The following MNX1 variants were observed in gnomAD, a reference collection of about 807,000 sequenced individuals.
The protein encoded by MNX1 is motor neuron and pancreas homeobox 1, also known as motor neuron and pancreas homeobox protein 1.
A neutral mutation model predicts 17.3 loss-of-function variants in MNX1; 2 were observed. The observed-to-expected ratio is 0.12, with a 90% CI of 0.05 to 0.36. The LOEUF (loss-of-function observed/expected upper bound fraction) is 0.36. Ranked by LOEUF, MNX1 falls within the 10% of genes least tolerant of loss-of-function variation. The pLI, the probability that MNX1 is intolerant of heterozygous loss-of-function variation, is 1.00. For missense variants in MNX1, 556 were observed against 564.7 expected, an observed-to-expected ratio of 0.98 and a Z score of 0.16; for synonymous variants, 306 against 283.1, an observed-to-expected ratio of 1.08 and a Z score of -0.81.
Position 157,010,446 on chromosome 7 carries a change from TC to T in MNX1, c.-97del. ...GTGCGTGCGGTGCAAGCCCGGGGGC[TC>T]GGTATTGTTATGGTGGTTATTTGCC... On this transcript the variant is annotated 5_prime_UTR_variant, in exon 1 of 3. Coordinates refer to ENST00000252971, the MANE Select transcript of MNX1 (RefSeq NM_005515.4). 1 of 865,932 alleles carries T rather than the reference TC, an allele frequency of 1.2e-6. No individual in the cohort carries two copies. Among genetic ancestry groups the T allele is most frequent in the Non-Finnish European group, 1.7e-6 (1 of 591,046 alleles). 53.6% of individuals were successfully genotyped at this position (865,932 alleles called of 1,614,324 possible).
rs762054369 is a variant in MNX1 at position 157,009,772 on chromosome 7, G to A, written c.579C>T (p.His193=). The change falls in exon 1 of 3, where the codon CAC becomes CAT. Residue 193 remains histidine (H), a synonymous_variant. Transcript: ENST00000252971. ...SYSYPQVQGA[H]PAHPADPIKL... ...TGATGGGGTCGGCGGGGTGCGCGGG[G>A]TGCGCGCCTTGCACCTGCGGGTACG... 2 of 1,597,956 alleles carry A rather than the reference G, an allele frequency of 1.3e-6. No homozygotes were observed. The highest frequency in any genetic ancestry group is 1.7e-6 in the Non-Finnish European group (2 of 1,175,782).
Position 157,008,684 on chromosome 7 carries a change from C to T in MNX1, c.691+976G>A, listed in dbSNP as rs1385095721. 2.5e-5 allele frequency: 11 copies of T among 433,376 alleles called. No homozygotes were observed. The Admixed American group carries it at 4.2e-4, about 17-fold the overall frequency. The allele number at this position is 433,376 out of a possible 1,614,324, so 26.8% of individuals were successfully genotyped here. The stretch of plus-strand genomic sequence containing the variant: ...CTGCATCTCCCCAGTCTAAACAAAT[C>T]CACTCAGACAGAAACAATGGGGTCT... On this transcript the variant is annotated intron_variant, in intron 1 of 2. Transcript: ENST00000252971.
intron 1 of MNX1, chr7:157,008,897 G>A (rs1233998882): frequency 3.5e-5 from 45 of 1,268,644 alleles, no homozygotes; most frequent in Non-Finnish European, 4.6e-5. Context: ...CTCTGGCGAG[G>A]TGTCCCGCCC....
intron 1 of MNX1, chr7:157,008,969 C>A: frequency 6.5e-7 from 1 of 1,532,840 alleles, no homozygotes; most frequent in Non-Finnish European, 8.7e-7. Flanking sequence ...GGGGCTCCCT[C>A]GGCCCCACCT....
At position 157,010,195 on chromosome 7, in the gene MNX1, G is replaced by C; in HGVS notation, c.156C>G (p.Gly52=). ...GGGGGGGGAS[G]GTSGSCSPAS... ...CGGGGCTGCAGCTGCCGCTAGTCCC[G>C]CCGCTCGCCCCGCCGCCGCCGCCGC... Residue 52 remains glycine (G), a synonymous_variant, in exon 1 of 3, where the codon GGC becomes GGG. Coordinates refer to ENST00000252971, the MANE Select transcript of MNX1 (RefSeq NM_005515.4). 2 of 1,215,762 alleles carry C rather than the reference G, an allele frequency of 1.6e-6. No individual in the cohort carries two copies. Among genetic ancestry groups the C allele is most frequent in the Non-Finnish European group, 2.1e-6 (2 of 971,950 alleles). The allele number at this position is 1,215,762 out of a possible 1,614,324, so 75.3% of individuals were successfully genotyped here. A position where few individuals can be genotyped will look rare whatever the true frequency, so the allele number is the denominator to read the frequency against.
Position 157,006,318 on chromosome 7 carries a change from C to T in MNX1, c.852+161G>A. 2.7e-6 allele frequency: 2 copies of T among 735,222 alleles called. No homozygotes were observed. The highest frequency in any genetic ancestry group is 1.9e-5 in the South Asian group (1 of 53,452). The allele number at this position is 735,222 out of a possible 1,614,324, so 45.5% of individuals were successfully genotyped here. ...GATTCTTGGGCCCCACCCGAAGCTACTGAATCGGCGCTCTGGGCACCTTAG... is the reference window on the plus strand; with the variant it reads ...GATTCTTGGGCCCCACCCGAAGCTATTGAATCGGCGCTCTGGGCACCTTAG... On this transcript the variant is annotated intron_variant, in intron 2 of 2. Transcript: ENST00000252971. The surrounding 1 kb of genome is among the most constrained non-coding windows in gnomAD (Gnocchi z 6.3).
chr7:157,008,123 A>T (rs930132491), intron 1 of MNX1: 2 of 152,250 alleles, frequency 1.3e-5, no homozygotes, highest in Non-Finnish European at 2.9e-5. Context: ...TGGAATCAGA[A>T]ATAGGCAAGG....
chr7:157,008,704 G>A, intron 1 of MNX1: 1 of 471,560 alleles, frequency 2.1e-6, no homozygotes. Flanking sequence ...AGAAACAATG[G>A]GGTCTCTTTG....
At position 157,009,910 on chromosome 7, in the gene MNX1, C is replaced by A; in HGVS notation, c.441G>T (p.Gln147His). 2 of 1,307,378 alleles carry A rather than the reference C, an allele frequency of 1.5e-6. No homozygotes were observed. Among genetic ancestry groups the A allele is most frequent in the South Asian group, 3.9e-5 (2 of 51,906 alleles). The allele number at this position is 1,307,378 out of a possible 1,614,324, so 81.0% of individuals were successfully genotyped here. A position where few individuals can be genotyped will look rare whatever the true frequency, so the allele number is the denominator to read the frequency against. ...LALGLHPGGAQGGAGLPAQAA... is the reference protein window; with the variant it reads ...LALGLHPGGAHGGAGLPAQAA... ...CCTGCGCCGGGAGGCCCGCGCCGCCCTGCGCGCCCCCAGGGTGCAGCCCCA... is the reference window on the plus strand; with the variant it reads ...CCTGCGCCGGGAGGCCCGCGCCGCCATGCGCGCCCCCAGGGTGCAGCCCCA... The change falls in exon 1 of 3, where the codon CAG becomes CAT. Residue 147 changes from glutamine (Q) to histidine (H), a missense_variant. Gln to His is a conservative substitution (Grantham distance 24). Around this residue, in one of 7 missense-constraint regions of MNX1, gnomAD observed 210 missense variants for 211.3 expected, o/e 0.99. Transcript: ENST00000252971.
chr7:157,009,640 G>T lies in MNX1; in HGVS notation c.691+20C>A, dbSNP rs774038065. 2 of 1,606,348 alleles carry T rather than the reference G, an allele frequency of 1.2e-6. No individual in the cohort carries two copies. The highest frequency in any genetic ancestry group is 1.7e-6 in the Non-Finnish European group (2 of 1,177,766). ...AGGCCCTCCCGCCACGCGCATCCACGGGGGCCGCAGGGTACTCACAGTTGA... is the reference window on the plus strand; with the variant it reads ...AGGCCCTCCCGCCACGCGCATCCACTGGGGCCGCAGGGTACTCACAGTTGA... On this transcript the variant is annotated intron_variant, in intron 1 of 2. Transcript: ENST00000252971.
chr7:157,008,946 G>A, intron 1 of MNX1: 1 of 1,522,136 alleles, frequency 6.6e-7, no homozygotes, highest in Non-Finnish European at 8.8e-7. Flanking sequence ...GCGGCTCTGG[G>A]GTGGGGAGAA....
chr7:157,009,850 G>T lies in MNX1; in HGVS notation c.501C>A (p.Ser167=), dbSNP rs1195749439. ...ALYGHPVYGY[S]AAAAAAALAG... ...CCAGCGCAGCCGCCGCCGCCGCCGC[G>T]GAGTAGCCGTAGACCGGGTGGCCGT... Residue 167 remains serine (S), a synonymous_variant, in exon 1 of 3, where the codon TCC becomes TCA. Transcript: ENST00000252971. The T allele has an allele frequency of 6.6e-7, 1 of 1,509,308 alleles. No individual in the cohort carries two copies. The highest frequency in any genetic ancestry group is 8.8e-7 in the Non-Finnish European group (1 of 1,137,194). The allele number at this position is 1,509,308 out of a possible 1,614,324, so 93.5% of individuals were successfully genotyped here.
Position 157,006,417 on chromosome 7 carries a change from G to A in MNX1, c.852+62C>T, listed in dbSNP as rs1805599681. 1.3e-6 allele frequency: 2 copies of A among 1,559,318 alleles called. No homozygotes were observed. The highest frequency in any genetic ancestry group is 1.2e-5 in the South Asian group (1 of 85,512). ...GCCTCAGACCGCCCGTGGGTCACAA[G>A]TGCAAAGGTAACAGTGTCCCCTGGG... On this transcript the variant is annotated intron_variant, in intron 2 of 2. Transcript: ENST00000252971. This position sits in a 1 kb window ranked among gnomAD's most constrained non-coding sequence, Gnocchi z 6.3.
At position 157,006,623 on chromosome 7, in the gene MNX1, G is replaced by T. The variant is rs1272412116; in HGVS notation, c.708C>A (p.Asn236Lys). 6.3e-7 allele frequency: 1 copy of T among 1,597,254 alleles called. No individual in the cohort carries two copies. Among genetic ancestry groups the T allele is most frequent in the Non-Finnish European group, 8.5e-7 (1 of 1,173,598 alleles). Residue 236 changes from asparagine (N) to lysine (K), a missense_variant, in exon 2 of 3, where the codon AAC (asparagine) becomes AAA (lysine). Coordinates refer to ENST00000252971, the MANE Select transcript of MNX1 (RefSeq NM_005515.4). The surrounding 1 kb of genome is among the most constrained non-coding windows in gnomAD (Gnocchi z 6.3). The part of the protein sequence containing the change: ...MPDFNSQAQS[N>K]LLGKCRRPRT... ...GCGGCCGGCGGCACTTCCCCAGGAG[G>T]TTCGACTGCGCCTGGGCTGGGGACC...
rs1291973756 is a variant in MNX1 at position 157,010,630 on chromosome 7, C to G, written c.-280G>C. ...GCCCGGTTCTTTGCGCTGCAGCCCT[C>G]AGGCGACCGCGCGGAGGCCGCTGCC... is the stretch of plus-strand genomic sequence containing the variant. On this transcript the variant is annotated 5_prime_UTR_variant, in exon 1 of 3. Coordinates refer to ENST00000252971, the MANE Select transcript of MNX1 (RefSeq NM_005515.4). 1 of 246,406 alleles carries G rather than the reference C, an allele frequency of 4.1e-6. No individual in the cohort carries two copies. The highest frequency in any genetic ancestry group is 2.2e-5 in the African/African-American group (1 of 45,256). The allele number at this position is 246,406 out of a possible 1,614,324, so 15.3% of individuals were successfully genotyped here.
chr7:157,009,240 G>A (rs1477160257), intron 1 of MNX1: 6 of 1,432,612 alleles, frequency 4.2e-6, no homozygotes, highest in South Asian at 1.5e-5. Context: ...GGGGCCGCGG[G>A]TCTCTCTAAC....
chr7:157,009,862 G>C lies in MNX1; in HGVS notation c.489C>G (p.Val163=). The change falls in exon 1 of 3, where the codon GTC becomes GTG. Residue 163 remains valine (V), a synonymous_variant. Coordinates refer to ENST00000252971, the MANE Select transcript of MNX1 (RefSeq NM_005515.4). The part of the protein sequence containing the change: ...PAQAALYGHP[V]YGYSAAAAAA... ...CCGCCGCCGCCGCGGAGTAGCCGTAGACCGGGTGGCCGTAGAGCGCCGCCT... is the reference window on the plus strand; with the variant it reads ...CCGCCGCCGCCGCGGAGTAGCCGTACACCGGGTGGCCGTAGAGCGCCGCCT... The C allele has an allele frequency of 6.7e-7, 1 of 1,488,216 alleles. No individual in the cohort carries two copies. 92.2% of individuals were successfully genotyped at this position (1,488,216 alleles called of 1,614,324 possible). A position where few individuals can be genotyped will look rare whatever the true frequency, so the allele number is the denominator to read the frequency against.
chr7:157,010,437 C>T lies in MNX1; in HGVS notation c.-87G>A. On this transcript the variant is annotated 5_prime_UTR_variant, in exon 1 of 3. Coordinates refer to ENST00000252971, the MANE Select transcript of MNX1 (RefSeq NM_005515.4). Reference sequence around the variant, plus strand: ...GCGGAGTCAGTGCGTGCGGTGCAAGCCCGGGGGCTCGGTATTGTTATGGTG... The same window carrying T: ...GCGGAGTCAGTGCGTGCGGTGCAAGTCCGGGGGCTCGGTATTGTTATGGTG... 2 of 984,826 alleles carry T rather than the reference C, an allele frequency of 2.0e-6. No individual in the cohort carries two copies. Among genetic ancestry groups the T allele is most frequent in the South Asian group, 1.8e-5 (1 of 54,488 alleles). The allele number at this position is 984,826 out of a possible 1,614,324, so 61.0% of individuals were successfully genotyped here. A position where few individuals can be genotyped will look rare whatever the true frequency, so the allele number is the denominator to read the frequency against.
Position 157,005,753 on chromosome 7 carries a change from C to A in MNX1, c.973G>T (p.Ala325Ser), listed in dbSNP as rs749956776. ...GGGGGAGKGG[A>S]EEPGAEELLG... The stretch of plus-strand genomic sequence containing the variant: ...AGCTCCTCGGCTCCCGGCTCCTCCG[C>A]GCCGCCCTTCCCCGCGCCCCCGCCG... Residue 325 changes from alanine to serine, a missense_variant, in exon 3 of 3, where the codon GCG becomes TCG. Ala to Ser is a moderately conservative substitution (Grantham distance 99). Around this residue, in one of 7 missense-constraint regions of MNX1, gnomAD observed 178 missense variants for 155.2 expected, o/e 1.15. Transcript: ENST00000252971. The A allele has an allele frequency of 1.2e-6, 2 of 1,609,260 alleles. No individual in the cohort carries two copies. The highest frequency in any genetic ancestry group is 1.3e-5 in the African/African-American group (1 of 74,976).
Sources: allele counts gnomAD v4.1 joint callset, GRCh38; gene constraint gnomAD v4.1.1; regional missense constraint gnomAD v4.1.1; non-coding constraint Gnocchi (gnomAD v3.1); transcripts MANE v1.5; gene names NCBI Gene and HGNC (gene_info 2026-07-23, HGNC 2026-07-21).